SRGAP2: variants seen among roughly 807,000 people sequenced by gnomAD.
SRGAP2 encodes the protein SLIT-ROBO Rho GTPase activating protein 2, also known as SLIT-ROBO Rho GTPase-activating protein 2.
Under a neutral mutation model 57.2 loss-of-function variants are expected in SRGAP2, and 15 were observed. The ratio of observed to expected loss-of-function variants is 0.26; its 90% CI spans 0.18 to 0.40. SRGAP2 has a LOEUF of 0.40. Among genes scored for constraint, SRGAP2 ranks in the 10% least tolerant of loss-of-function variants. SRGAP2 has a pLI of 1.00. For missense variants in SRGAP2, 520 were observed against 669.6 expected (o/e 0.78, Z 2.47); for synonymous variants, 249 against 248.0 (o/e 1.00, Z -0.04).
intron 7 of SRGAP2, among the ~76,000 whole-genome samples, chr1:206,394,681 C>T (rs868994453): frequency 1.3e-5 from 2 of 151,934 alleles, no homozygotes; most frequent in African/African-American, 2.4e-5. Context: ...TTGAGGAAAG[C>T]GGCTAATAGG....
At position 206,333,263 on chromosome 1, in the gene SRGAP2, G is replaced by T. The variant is rs1553332525; in HGVS notation, c.261-9583G>T. ...CCGTCTTCTGCGTCGCTCACGCTGGGAGCTGTAGACCGGAGCTGTTCCTAT... is the reference window on the plus strand; with the variant it reads ...CCGTCTTCTGCGTCGCTCACGCTGGTAGCTGTAGACCGGAGCTGTTCCTAT... On this transcript the variant is annotated intron_variant, in intron 3 of 22. Transcript: ENST00000573034. The T allele has an allele frequency of 2.6e-6, 3 of 1,150,222 alleles. No individual in the cohort carries two copies. The East Asian group carries it at 7.2e-5, about 27-fold the overall frequency. The allele number at this position is 1,150,222 out of a possible 1,614,324, so 71.3% of individuals were successfully genotyped here. A position where few individuals can be genotyped will look rare whatever the true frequency, so the allele number is the denominator to read the frequency against.
chr1:206,208,266 CAATG>C (rs1553301674), intron 2 of SRGAP2: 1 of 147,156 alleles, frequency 6.8e-6, no homozygotes, highest in African/African-American at 2.5e-5. Context: ...CCAAATCTGT[CAATG>C]AATAATAATA....
At chr1:206,437,358 T>C (rs1661858882) in intron 15 of SRGAP2, among the ~76,000 whole-genome samples, 1 of 152,242 alleles carries the variant, frequency 6.6e-6, no homozygotes, top group Non-Finnish European at 1.5e-5. Flanking sequence ...GCAGTTAATA[T>C]CAAGGCTAAT....
intron 17 of SRGAP2, among the ~76,000 whole-genome samples, chr1:206,441,809 A>G (rs535007865): frequency 5.3e-5 from 8 of 152,318 alleles, no homozygotes; most frequent in African/African-American, 1.7e-4. Flanking sequence ...GCACTCCCCA[A>G]TTCACCACAG....
intron 2 of SRGAP2, among the ~76,000 whole-genome samples, chr1:206,248,361 G>A (rs1553310452): frequency 6.6e-6 from 1 of 152,156 alleles, no homozygotes; most frequent in African/African-American, 2.4e-5. Flanking sequence ...AAGTTGTTCA[G>A]ATTCTTAGCT....
intron 2 of SRGAP2, among the ~76,000 whole-genome samples, chr1:206,295,721 T>C (rs1297587475): frequency 1.3e-5 from 2 of 151,768 alleles, no homozygotes; most frequent in Non-Finnish European, 2.9e-5. Flanking sequence ...TGAATTGTTA[T>C]GTGAAATTTT....
At chr1:206,426,908 T>C (rs1472164689) in intron 13 of SRGAP2, among the ~76,000 whole-genome samples, 2 of 152,220 alleles carry the variant, frequency 1.3e-5, no homozygotes, top group African/African-American at 4.8e-5. Context: ...TCTCCCATTC[T>C]TTAGGTTGTC....
At chr1:206,385,619 T>TTTTACCCAGGGTCCTA (rs1656140187) in intron 5 of SRGAP2, among the ~76,000 whole-genome samples, 1 of 150,826 alleles carries the variant, frequency 6.6e-6, no homozygotes, top group Non-Finnish European at 1.5e-5. Flanking sequence ...ATCTGTTAGC[T>TTTTACCCAGGGTCCTA]TTTACCCAGG....
intron 4 of SRGAP2, among the ~76,000 whole-genome samples, chr1:206,347,855 G>T (rs1190732699): frequency 2.0e-5 from 3 of 151,002 alleles, no homozygotes; most frequent in Non-Finnish European, 4.4e-5. Context: ...CCTACCTGGG[G>T]TTGGGGCAAG....
At chr1:206,218,129 T>C (rs1198605791) in intron 2 of SRGAP2, among the ~76,000 whole-genome samples, 4 of 152,096 alleles carry the variant, frequency 2.6e-5, no homozygotes, top group African/African-American at 9.7e-5. Flanking sequence ...GCCAACATGG[T>C]GAAACCCTGT....
rs1269442157 is a variant in SRGAP2 at position 206,278,128 on chromosome 1, G to A, written c.68-25153G>A. Reference sequence around the variant, plus strand: ...CAACAGGTATTTTTTTGATGATCATGTATCAGACACTACTCTAGATGCTTT... The same window carrying A: ...CAACAGGTATTTTTTTGATGATCATATATCAGACACTACTCTAGATGCTTT... On this transcript the variant is annotated intron_variant, in intron 2 of 22. Coordinates refer to ENST00000573034, the MANE Select transcript of SRGAP2 (RefSeq NM_015326.5). Among the ~76,000 whole-genome samples the A allele has an allele frequency of 1.0e-3, 158 of 152,052 alleles. 1 individual carries two copies. Among genetic ancestry groups the A allele is most frequent in the Non-Finnish European group, 1.1e-3 (78 of 67,996 alleles).
chr1:206,203,860 T>A (rs1194034074), intron 1 of SRGAP2: 1 of 1,455,164 alleles, frequency 6.9e-7, no homozygotes, highest in East Asian at 2.5e-5. Context: ...GGACTGCGAG[T>A]CTCTCCGCCC....
In SRGAP2 at chr1:206,398,145, A is replaced by G. The variant is rs1367255791; in HGVS notation, c.832-3276A>G. Among the ~76,000 whole-genome samples the G allele has an allele frequency of 3.3e-5, 5 of 151,032 alleles. No individual in the cohort carries two copies. In the East Asian group the frequency reaches 9.8e-4, roughly 30 times the overall value. On this transcript the variant is annotated intron_variant, in intron 7 of 22. Transcript: ENST00000573034. ...ATGGCCAGGGGAGTCCAGCGTGGCC[A>G]CAGAACTCATCAGAAGCCATGGAAA... is the stretch of plus-strand genomic sequence containing the variant.
chr1:206,439,882 C>G (rs372718095), intron 16 of SRGAP2, 94 bp from the exon 17 acceptor site: 4 of 702,624 alleles, frequency 5.7e-6, no homozygotes, highest in African/African-American at 3.5e-5. Context: ...CTGATGCTGT[C>G]CGTGTTGCCC....
intron 2 of SRGAP2, among the ~76,000 whole-genome samples, chr1:206,215,493 GTTAATA>G (rs1345598434): frequency 6.7e-6 from 1 of 149,884 alleles, no homozygotes; most frequent in Admixed American, 6.7e-5. Context: ...ATAAAAGACT[GTTAATA>G]TTAATCACTT....
At chr1:206,248,237 T>A (rs1408399336) in intron 2 of SRGAP2, among the ~76,000 whole-genome samples, 1 of 152,076 alleles carries the variant, frequency 6.6e-6, no homozygotes, top group Non-Finnish European at 1.5e-5. Context: ...TGATTTACTA[T>A]CTGTAAGAGC....
At chr1:206,378,693 A>G (rs556441925) in intron 4 of SRGAP2, among the ~76,000 whole-genome samples, 1 of 152,256 alleles carries the variant, frequency 6.6e-6, no homozygotes, top group Non-Finnish European at 1.5e-5. Flanking sequence ...AAAGGATTGT[A>G]AAGGCACCAA....
chr1:206,416,779 C>T (rs1314074166), intron 11 of SRGAP2, among the ~76,000 whole-genome samples: 1 of 151,968 alleles, frequency 6.6e-6, no homozygotes, highest in Admixed American at 6.5e-5. Context: ...CCCCTCCCTG[C>T]CCCACTAATC....
intron 16 of SRGAP2, among the ~76,000 whole-genome samples, 196 bp from the exon 17 acceptor site, chr1:206,439,780 G>A (rs1324145072): frequency 1.3e-5 from 2 of 152,168 alleles, no homozygotes; most frequent in East Asian, 1.9e-4. Context: ...AATGTCTGGA[G>A]CCCAGCAGGT....
Sources: allele counts gnomAD v4.1 joint callset (sites outside exome capture counted in the v4.1 genomes callset), GRCh38; gene constraint gnomAD v4.1.1; transcripts MANE v1.5; gene names NCBI Gene and HGNC (gene_info 2026-07-23, HGNC 2026-07-21).